Variants in FAM114A1 observed in about 807,000 individuals in gnomAD.
FAM114A1 encodes the protein family with sequence similarity 114 member A1.
In FAM114A1, 62 loss-of-function variants were observed where a neutral mutation model predicts 64.3. The observed-to-expected ratio is 0.96, with a 90% CI of 0.79 to 1.19. The LOEUF is 1.19. Among genes scored for constraint, FAM114A1 ranks in the 50% most tolerant of loss-of-function variants. The probability of loss-of-function intolerance (pLI) is 0.00; values close to 1 mark genes in which losing one functional copy is unlikely to be tolerated. For missense variants in FAM114A1, 645 were observed against 676.3 expected (o/e 0.95, Z 0.51); for synonymous variants, 254 against 251.1 (o/e 1.01, Z -0.11).
intron 4 of FAM114A1, among the ~76,000 whole-genome samples, chr4:38,902,605 G>A (rs933206782): frequency 3.3e-5 from 5 of 152,096 alleles, no homozygotes; most frequent in Non-Finnish European, 7.4e-5. Context: ...GCATTTGTAC[G>A]ACATTCTCAT....
chr4:38,905,449 G>T, intron 4 of FAM114A1, 73 bp from the exon 5 acceptor site: 1 of 1,080,928 alleles, frequency 9.3e-7, no homozygotes, highest in Non-Finnish European at 1.4e-6. Context: ...AAACAGCTTT[G>T]TAAGATTTGG....
intron 8 of FAM114A1, 119 bp downstream of exon 8, chr4:38,915,192 T>C: frequency 7.7e-7 from 1 of 1,291,236 alleles, no homozygotes; most frequent in Non-Finnish European, 1.1e-6. Context: ...ATTATTGTGC[T>C]GAGGTCAGAA....
Position 38,915,003 on chromosome 4 carries a change from T to C in FAM114A1, c.875T>C (p.Leu292Pro). The change falls in exon 8 of 15, where the codon CTG becomes CCG. Residue 292 changes from leucine (L) to proline (P), a missense_variant. By Grantham distance (98) the Leu-to-Pro change is moderately conservative (BLOSUM62 -3). Coordinates refer to ENST00000358869, the MANE Select transcript of FAM114A1 (RefSeq NM_138389.4). ...GAGAGAACCGCGCACTACGGGATGCTGTTTGATGAATATCAAGGCTTGTCA... is the reference window on the plus strand; with the variant it reads ...GAGAGAACCGCGCACTACGGGATGCCGTTTGATGAATATCAAGGCTTGTCA... ...TMERTAHYGM[L>P]FDEYQGLSHL... 1 of 1,614,190 alleles carries C rather than the reference T, an allele frequency of 6.2e-7. No homozygotes were observed. Among genetic ancestry groups the C allele is most frequent in the Non-Finnish European group, 8.5e-7 (1 of 1,180,034 alleles).
At chr4:38,943,059 G>T (rs1360016056) in intron 14 of FAM114A1, among the ~76,000 whole-genome samples, 3 of 152,100 alleles carry the variant, frequency 2.0e-5, no homozygotes, top group Non-Finnish European at 2.9e-5. Context: ...TGGGCGTGGT[G>T]GTGCACGCCC....
At chr4:38,899,843 T>C (rs1717331478) in intron 4 of FAM114A1, among the ~76,000 whole-genome samples, 1 of 152,174 alleles carries the variant, frequency 6.6e-6, no homozygotes, top group East Asian at 1.9e-4. Context: ...AATATTACAT[T>C]TTGAATACAT....
intron 4 of FAM114A1, among the ~76,000 whole-genome samples, chr4:38,898,653 A>G (rs2109640509): frequency 6.6e-6 from 1 of 152,294 alleles, no homozygotes; most frequent in South Asian, 2.1e-4. Flanking sequence ...TCAGTTCAGT[A>G]ACACTTCTTG....
intron 8 of FAM114A1, among the ~76,000 whole-genome samples, chr4:38,915,569 T>C (rs1256935517): frequency 6.6e-6 from 1 of 152,204 alleles, no homozygotes; most frequent in African/African-American, 2.4e-5. Context: ...GGCAGGATTA[T>C]CTTACTGAAG....
intron 6 of FAM114A1, 127 bp from the exon 7 acceptor site, chr4:38,908,465 T>G: frequency 2.2e-5 from 19 of 847,372 alleles, no homozygotes; most frequent in Non-Finnish European, 3.1e-5. Flanking sequence ...AATCTCCTGA[T>G]GAGAAAAAAT....
In FAM114A1 at chr4:38,940,969, GCAA is replaced by G; in HGVS notation, c.1542_1544del (p.Asn514del). On this transcript the variant is annotated inframe_deletion and splice_region_variant, in exon 14 of 15. Coordinates refer to ENST00000358869, the MANE Select transcript of FAM114A1 (RefSeq NM_138389.4). Reference sequence around the variant, plus strand: ...AATTTCATACTTCTGATTCCACAGAGCAACAAGAAGGCCGAGGTCCTTAACCCC... The same window carrying G: ...AATTTCATACTTCTGATTCCACAGAGCAAGAAGGCCGAGGTCCTTAACCCC... The G allele has an allele frequency of 6.2e-7, 1 of 1,614,046 alleles. No individual in the cohort carries two copies. The highest frequency in any genetic ancestry group is 8.5e-7 in the Non-Finnish European group (1 of 1,179,966).
chr4:38,888,144 T>TA (rs1274205720), intron 3 of FAM114A1, among the ~76,000 whole-genome samples: 1 of 151,966 alleles, frequency 6.6e-6, no homozygotes, highest in African/African-American at 2.4e-5. Flanking sequence ...TTAAACTTGA[T>TA]AGCTTAAAAT....
At chr4:38,873,447 C>A (rs985745630) in intron 2 of FAM114A1, among the ~76,000 whole-genome samples, 1 of 152,160 alleles carries the variant, frequency 6.6e-6, no homozygotes, top group Non-Finnish European at 1.5e-5. Flanking sequence ...GCACAGGAAG[C>A]CATGCCAAGT....
intron 3 of FAM114A1, among the ~76,000 whole-genome samples, chr4:38,881,926 T>C (rs374008615): frequency 1.8e-4 from 27 of 152,326 alleles, no homozygotes; most frequent in African/African-American, 6.5e-4. Flanking sequence ...CCCTGAGGAA[T>C]GGCAGGTTCT....
At chr4:38,894,459 C>T (rs776865413) in intron 4 of FAM114A1, among the ~76,000 whole-genome samples, 14 of 152,184 alleles carry the variant, frequency 9.2e-5, no homozygotes, top group Non-Finnish European at 1.3e-4. Context: ...CACATGGTCA[C>T]TGTGCCATGA....
At chr4:38,940,560 A>G (rs1334273843) in intron 13 of FAM114A1, among the ~76,000 whole-genome samples, 6 of 152,208 alleles carry the variant, frequency 3.9e-5, no homozygotes, top group African/African-American at 1.4e-4. Flanking sequence ...TCATCAAAAT[A>G]TCAAAATTTT....
At chr4:38,905,657 G>A (rs769096503) in intron 5 of FAM114A1, 22 bp downstream of exon 5, 9 of 1,610,608 alleles carry the variant, frequency 5.6e-6, no homozygotes, top group Non-Finnish European at 7.6e-6. Context: ...GTCTCCTCTG[G>A]GTGTTCTTGG....
chr4:38,932,912 G>A (rs1045421706), intron 12 of FAM114A1, among the ~76,000 whole-genome samples: 8 of 148,902 alleles, frequency 5.4e-5, no homozygotes, highest in African/African-American at 7.5e-5. Context: ...GGAGTACAGT[G>A]TCACGATCTC....
intron 8 of FAM114A1, among the ~76,000 whole-genome samples, chr4:38,916,553 A>G (rs979766064): frequency 1.3e-5 from 2 of 152,156 alleles, no homozygotes; most frequent in Non-Finnish European, 2.9e-5. Context: ...CAGCAAACCA[A>G]CACAAGAACG....
intron 3 of FAM114A1, among the ~76,000 whole-genome samples, chr4:38,884,885 C>T (rs1294161350): frequency 6.6e-6 from 1 of 152,178 alleles, no homozygotes. Context: ...GGGCAAAATC[C>T]TTTGTAACAC....
intron 3 of FAM114A1, among the ~76,000 whole-genome samples, chr4:38,889,172 C>G (rs535785151): frequency 6.6e-6 from 1 of 152,288 alleles, no homozygotes; most frequent in South Asian, 2.1e-4. Flanking sequence ...GCTGTCACCT[C>G]TAATTGTATT....
Sources: gnomAD v4.1 joint callset for allele counts (sites outside exome capture counted in the v4.1 genomes callset) on GRCh38, gnomAD v4.1.1 for gene constraint, MANE v1.5 for transcripts, NCBI Gene and HGNC (gene_info 2026-07-23, HGNC 2026-07-21) for gene names.